The following GULP1 variants were observed in gnomAD, a reference collection of about 807,000 sequenced individuals.
GULP1 encodes the protein PTB domain-containing engulfment adapter protein 1.
A neutral mutation model predicts 40.9 loss-of-function variants in GULP1; 19 were observed. The observed-to-expected ratio is 0.46, with a 90% CI of 0.32 to 0.68. The LOEUF is 0.68. Among genes scored for constraint, GULP1 ranks in the 30% least tolerant of loss-of-function variants. GULP1 has a pLI of 0.03. For synonymous variants in GULP1, 119 were observed against 117.6 expected (o/e 1.01, Z -0.08); for missense variants, 312 against 362.2 (o/e 0.86, Z 1.12).
At chr2:188,532,933 A>C (rs190103526) in intron 6 of GULP1, among the ~76,000 whole-genome samples, 21 of 152,240 alleles carry the variant, frequency 1.4e-4, no homozygotes, top group African/African-American at 4.8e-4. Context: ...AAAAAAGAAA[A>C]GAAAGAAAGA....
intron 6 of GULP1, among the ~76,000 whole-genome samples, chr2:188,536,585 T>C (rs1688990827): frequency 6.6e-6 from 1 of 152,150 alleles, no homozygotes; most frequent in Non-Finnish European, 1.5e-5. Flanking sequence ...TTTTGGTTAC[T>C]ATAGCCTTAT....
At chr2:188,579,311 A>C (rs1430421163) in intron 9 of GULP1, among the ~76,000 whole-genome samples, 1 of 152,128 alleles carries the variant, frequency 6.6e-6, no homozygotes, top group Non-Finnish European at 1.5e-5. Context: ...ATGTGGGCCC[A>C]CTTTCTAGAT....
intron 2 of GULP1, among the ~76,000 whole-genome samples, chr2:188,402,974 T>A (rs1299108348): frequency 6.6e-6 from 1 of 152,182 alleles, no homozygotes; most frequent in Non-Finnish European, 1.5e-5. Context: ...ATGGCAAAGA[T>A]GGGATTAGAA....
At chr2:188,472,372 C>A (rs997341973) in intron 2 of GULP1, among the ~76,000 whole-genome samples, 1 of 152,134 alleles carries the variant, frequency 6.6e-6, no homozygotes, top group Non-Finnish European at 1.5e-5. Flanking sequence ...CTACTCCTAT[C>A]TCTTTCTCTG....
At chr2:188,302,698 A>T (rs1032300784) in intron 1 of GULP1, among the ~76,000 whole-genome samples, 2 of 152,174 alleles carry the variant, frequency 1.3e-5, no homozygotes, top group African/African-American at 4.8e-5. Flanking sequence ...CTTCTCAACC[A>T]GGCCTTGACT....
At chr2:188,399,807 T>C (rs771336856) in intron 2 of GULP1, among the ~76,000 whole-genome samples, 3 of 151,398 alleles carry the variant, frequency 2.0e-5, no homozygotes, top group Admixed American at 1.3e-4. Context: ...TAGTTCTCAA[T>C]AGGTATCTAC....
intron 2 of GULP1, among the ~76,000 whole-genome samples, chr2:188,443,360 G>C (rs1392067589): frequency 6.6e-6 from 1 of 152,088 alleles, no homozygotes; most frequent in Non-Finnish European, 1.5e-5. Flanking sequence ...CCTGATTCGT[G>C]AAGCCCTCTG....
intron 4 of GULP1, among the ~76,000 whole-genome samples, chr2:188,486,504 C>CT (rs2061874320): frequency 6.6e-6 from 1 of 151,882 alleles, no homozygotes; most frequent in South Asian, 2.1e-4. Context: ...TTATTATTCT[C>CT]CCTGGAGAAA....
At chr2:188,529,780 T>A (rs559922982) in intron 6 of GULP1, among the ~76,000 whole-genome samples, 1 of 152,276 alleles carries the variant, frequency 6.6e-6, no homozygotes, top group African/African-American at 2.4e-5. Flanking sequence ...GTGTCTCTTC[T>A]TATAAGGACA....
chr2:188,505,976 C>T (rs2063868058), intron 4 of GULP1, among the ~76,000 whole-genome samples: 1 of 151,778 alleles, frequency 6.6e-6, no homozygotes, highest in South Asian at 2.1e-4. Context: ...CTACATAGTA[C>T]AGTTACACTA....
At chr2:188,296,668 G>C (rs1574183358) in intron 1 of GULP1, among the ~76,000 whole-genome samples, 1 of 152,092 alleles carries the variant, frequency 6.6e-6, no homozygotes, top group South Asian at 2.1e-4. Flanking sequence ...AGTATATTTT[G>C]TGCTAAATTG....
At chr2:188,447,684 T>C (rs987419892) in intron 2 of GULP1, among the ~76,000 whole-genome samples, 1 of 152,152 alleles carries the variant, frequency 6.6e-6, no homozygotes, top group African/African-American at 2.4e-5. Context: ...GAGAAATAAA[T>C]GAGATGCTAC....
chr2:188,578,167 A>C lies in GULP1; in HGVS notation c.610-6098A>C, dbSNP rs577887306. On this transcript the variant is annotated intron_variant, in intron 9 of 11. Coordinates refer to ENST00000409830, the MANE Select transcript of GULP1 (RefSeq NM_016315.4). ...ACAGCAAAACATAAAATTTCATTAT[A>C]ATGCTAATATTTCTGTAGATATTAT... Among the ~76,000 whole-genome samples, 287 of 152,222 alleles carry C rather than the reference A, an allele frequency of 1.9e-3. 3 individuals carry two copies. Among genetic ancestry groups the C allele is most frequent in the Middle Eastern group, 3.4e-3 (1 of 294 alleles).
At chr2:188,413,698 A>G (rs760664454) in intron 2 of GULP1, among the ~76,000 whole-genome samples, 1 of 152,078 alleles carries the variant, frequency 6.6e-6, no homozygotes, top group Non-Finnish European at 1.5e-5. Context: ...GTTCTTTCCT[A>G]TCATAATGTC....
chr2:188,517,226 C>T (rs1306294501), intron 4 of GULP1, among the ~76,000 whole-genome samples: 1 of 152,028 alleles, frequency 6.6e-6, no homozygotes, highest in African/African-American at 2.4e-5. Context: ...TGTATTACCT[C>T]TCTGCTGTAT....
intron 2 of GULP1, among the ~76,000 whole-genome samples, chr2:188,403,629 T>C (rs1291244474): frequency 6.6e-6 from 1 of 152,094 alleles, no homozygotes; most frequent in East Asian, 1.9e-4. Context: ...GTATGAGATA[T>C]CCAGAAAGGA....
rs1690353781 is a variant in GULP1 at position 188,541,058 on chromosome 2, A to C, written c.262-123A>C. On this transcript the variant is annotated intron_variant, in intron 6 of 11. Coordinates refer to ENST00000409830, the MANE Select transcript of GULP1 (RefSeq NM_016315.4). ...TTTAGGTTGGGGTGTACATAATTAT[A>C]AAATCAAAGATTGACAGATGATTGT... The C allele has an allele frequency of 8.6e-6, 7 of 810,194 alleles. No homozygotes were observed. In the Admixed American group the frequency reaches 1.9e-4, roughly 22 times the overall value. The allele number at this position is 810,194 out of a possible 1,614,324, so 50.2% of individuals were successfully genotyped here. A position where few individuals can be genotyped will look rare whatever the true frequency, so the allele number is the denominator to read the frequency against.
At chr2:188,542,377 T>A (rs1690745748) in intron 7 of GULP1, among the ~76,000 whole-genome samples, 1 of 152,190 alleles carries the variant, frequency 6.6e-6, no homozygotes, top group Admixed American at 6.5e-5. Flanking sequence ...TTTATCTAGT[T>A]TCAGTATTGA....
At chr2:188,304,904 G>GT (rs965647044) in intron 1 of GULP1, among the ~76,000 whole-genome samples, 1 of 152,052 alleles carries the variant, frequency 6.6e-6, no homozygotes, top group Admixed American at 6.5e-5. Context: ...AAATATATGG[G>GT]TTTTTTTCCC....
Sources: gnomAD v4.1 joint callset for allele counts (sites outside exome capture counted in the v4.1 genomes callset) on GRCh38, gnomAD v4.1.1 for gene constraint, MANE v1.5 for transcripts, NCBI Gene and HGNC (gene_info 2026-07-23, HGNC 2026-07-21) for gene names.